AGBL4: variants seen among roughly 807,000 people sequenced by gnomAD.
AGBL4 encodes cytosolic carboxypeptidase 6.
A neutral mutation model predicts 66.4 loss-of-function variants in AGBL4; 58 were observed. The observed-to-expected ratio is 0.87, with a 90% CI of 0.71 to 1.09. AGBL4 has a LOEUF of 1.09. Among genes scored for constraint, AGBL4 ranks in the 50% least tolerant of loss-of-function variants. The pLI, the probability that AGBL4 is intolerant of heterozygous loss-of-function variation, is 0.00. For missense variants in AGBL4, 579 were observed against 631.0 expected (o/e 0.92, Z 0.88); for synonymous variants, 234 against 222.9 (o/e 1.05, Z -0.44).
chr1:48,828,644 T>C (rs1319384441), intron 6 of AGBL4, among the ~76,000 whole-genome samples: 1 of 152,228 alleles, frequency 6.6e-6, no homozygotes, highest in African/African-American at 2.4e-5. Flanking sequence ...TAATACATGA[T>C]AACAACTCAG....
At chr1:49,882,947 T>C (rs1490522781) in intron 1 of AGBL4, among the ~76,000 whole-genome samples, 8 of 152,160 alleles carry the variant, frequency 5.3e-5, no homozygotes, top group Non-Finnish European at 1.2e-4. Context: ...CATTCAGGTA[T>C]GCAAAAATCC....
chr1:49,022,591 C>G (rs961258405), intron 5 of AGBL4, among the ~76,000 whole-genome samples: 5 of 152,044 alleles, frequency 3.3e-5, no homozygotes, highest in African/African-American at 1.2e-4. Flanking sequence ...GATAGCTTAT[C>G]TAGCAGTAAT....
chr1:49,707,200 A>G (rs1192820209), intron 2 of AGBL4, among the ~76,000 whole-genome samples: 1 of 151,956 alleles, frequency 6.6e-6, no homozygotes, highest in Non-Finnish European at 1.5e-5. Context: ...GGTCTCTAAG[A>G]ACTTGCTTTA....
At chr1:49,516,742 A>G (rs1354528576) in intron 3 of AGBL4, among the ~76,000 whole-genome samples, 1 of 152,080 alleles carries the variant, frequency 6.6e-6, no homozygotes, top group Non-Finnish European at 1.5e-5. Flanking sequence ...ATATAACACC[A>G]TTAGAGATGT....
At chr1:49,724,065 C>T (rs573552608) in intron 2 of AGBL4, among the ~76,000 whole-genome samples, 3 of 152,086 alleles carry the variant, frequency 2.0e-5, no homozygotes, top group East Asian at 1.9e-4. Context: ...ATTTGCTTAC[C>T]CAACCAGTAA....
At chr1:49,686,442 C>A (rs1304550247) in intron 3 of AGBL4, among the ~76,000 whole-genome samples, 4 of 152,078 alleles carry the variant, frequency 2.6e-5, no homozygotes, top group Non-Finnish European at 5.9e-5. Flanking sequence ...CAGCCTTGGC[C>A]CCCTGAAATC....
At chr1:50,015,555 G>A (rs1661914046) in intron 1 of AGBL4, among the ~76,000 whole-genome samples, 2 of 152,138 alleles carry the variant, frequency 1.3e-5, no homozygotes, top group African/African-American at 4.8e-5. Flanking sequence ...CAGTTGGGAG[G>A]CTGAGATGAG....
intron 2 of AGBL4, among the ~76,000 whole-genome samples, chr1:49,804,708 G>T (rs983410039): frequency 1.3e-5 from 2 of 152,074 alleles, no homozygotes; most frequent in Admixed American, 1.3e-4. Context: ...TAAATAATTT[G>T]CATTTTCATC....
intron 6 of AGBL4, among the ~76,000 whole-genome samples, chr1:48,810,047 C>T (rs1646013358): frequency 1.3e-5 from 2 of 152,134 alleles, no homozygotes; most frequent in South Asian, 4.1e-4. Context: ...TGATTTCAAC[C>T]ACACATCTTA....
chr1:49,603,687 C>T (rs1645009102), intron 3 of AGBL4, among the ~76,000 whole-genome samples: 1 of 151,944 alleles, frequency 6.6e-6, no homozygotes, highest in Non-Finnish European at 1.5e-5. Context: ...ACATTATACC[C>T]AACAGGTAGT....
chr1:49,321,898 T>C (rs1645139003), intron 3 of AGBL4, among the ~76,000 whole-genome samples: 1 of 152,230 alleles, frequency 6.6e-6, no homozygotes, highest in Non-Finnish European at 1.5e-5. Context: ...TAATTGCTTA[T>C]GTGAGACCCT....
At chr1:48,941,202 C>A (rs1008324121) in intron 5 of AGBL4, among the ~76,000 whole-genome samples, 1 of 152,170 alleles carries the variant, frequency 6.6e-6, no homozygotes, top group Non-Finnish European at 1.5e-5. Flanking sequence ...GCATATGACC[C>A]AGATTAATAG....
At chr1:49,858,778 A>C (rs540409641) in intron 1 of AGBL4, among the ~76,000 whole-genome samples, 1 of 152,198 alleles carries the variant, frequency 6.6e-6, no homozygotes, top group African/African-American at 2.4e-5. Context: ...GCACTTTGGG[A>C]GGCTGAGGCG....
intron 1 of AGBL4, among the ~76,000 whole-genome samples, chr1:49,888,684 T>G (rs1016075089): frequency 1.3e-5 from 2 of 152,160 alleles, no homozygotes; most frequent in African/African-American, 4.8e-5. Flanking sequence ...TTCAGCTCAA[T>G]AGATGAAAAA....
chr1:49,455,520 G>C (rs548406062), intron 3 of AGBL4, among the ~76,000 whole-genome samples: 1 of 151,674 alleles, frequency 6.6e-6, no homozygotes, highest in Admixed American at 6.6e-5. Flanking sequence ...ATTCCAAACT[G>C]AACAATTTCC....
chr1:48,529,975 T>C (rs1643897121), downstream of AGBL4, among the ~76,000 whole-genome samples: 1 of 151,828 alleles, frequency 6.6e-6, no homozygotes, highest in Non-Finnish European at 1.5e-5. Context: ...AGTCCTGAAA[T>C]CATTACACAT....
chr1:48,994,378 A>C (rs898540856), intron 5 of AGBL4, among the ~76,000 whole-genome samples: 1 of 152,104 alleles, frequency 6.6e-6, no homozygotes, highest in African/African-American at 2.4e-5. Context: ...TGCTTATAGC[A>C]TTTTCTATAT....
chr1:48,610,938 C>A (rs1645228746), intron 9 of AGBL4, among the ~76,000 whole-genome samples: 2 of 152,198 alleles, frequency 1.3e-5, no homozygotes, highest in Admixed American at 6.5e-5. Flanking sequence ...GGACAAAAAA[C>A]CATCAAAATA....
At chr1:49,948,191 TATATATAAATATAA>T (rs1344557811) in intron 1 of AGBL4, among the ~76,000 whole-genome samples, 4 of 97,864 alleles carry the variant, frequency 4.1e-5, no homozygotes, top group African/African-American at 8.4e-5. Context: ...TATATATAAA[TATATATAAATATAA>T]ATATATAAAT....
Sources: allele counts gnomAD v4.1 joint callset (sites outside exome capture counted in the v4.1 genomes callset), GRCh38; gene constraint gnomAD v4.1.1; transcripts MANE v1.5; gene names NCBI Gene and HGNC (gene_info 2026-07-23, HGNC 2026-07-21).